DCLK1: variants seen among roughly 807,000 people sequenced by gnomAD.
DCLK1 encodes the protein serine/threonine-protein kinase DCLK1.
Under a neutral mutation model 86.2 loss-of-function variants are expected in DCLK1, and 16 were observed. The ratio of observed to expected loss-of-function variants is 0.19; its 90% CI spans 0.13 to 0.28. The LOEUF is 0.28. Among genes scored for constraint, DCLK1 ranks in the 10% least tolerant of loss-of-function variants. The probability of loss-of-function intolerance (pLI) is 1.00; values close to 1 mark genes in which losing one functional copy is unlikely to be tolerated. For missense variants in DCLK1, 590 were observed against 940.2 expected (o/e 0.63, Z 4.87); for synonymous variants, 369 against 370.5 (o/e 1.00, Z 0.05).
chr13:36,084,543 AG>A (rs1446621682), intron 3 of DCLK1, among the ~76,000 whole-genome samples: 2 of 152,204 alleles, frequency 1.3e-5, no homozygotes, highest in Non-Finnish European at 1.5e-5. Context: ...ATTATAAAGG[AG>A]GGGGACAAAA....
At chr13:35,849,066 G>GTGT (rs988095358) in intron 6 of DCLK1, 1 of 985,224 alleles carries the variant, frequency 1.0e-6, no homozygotes, top group African/African-American at 1.7e-5. Flanking sequence ...TGCCAGAGAA[G>GTGT]TGTCTTTCTC....
At chr13:35,793,951 CCA>C (rs1016578688) in intron 15 of DCLK1, among the ~76,000 whole-genome samples, 5 of 152,146 alleles carry the variant, frequency 3.3e-5, no homozygotes, top group African/African-American at 1.2e-4. Flanking sequence ...TCAGGCTGTT[CCA>C]CAGTTACTCA....
chr13:36,103,296 G>A (rs930522700), intron 3 of DCLK1, among the ~76,000 whole-genome samples: 6 of 151,780 alleles, frequency 4.0e-5, no homozygotes, highest in Non-Finnish European at 7.4e-5. Flanking sequence ...AGCTACTTGG[G>A]AGGCTGAGAC....
chr13:35,870,360 A>C (rs548492427), intron 5 of DCLK1, among the ~76,000 whole-genome samples: 4 of 152,246 alleles, frequency 2.6e-5, no homozygotes, highest in Admixed American at 2.6e-4. Flanking sequence ...CACCCTATTG[A>C]GAGTTCCTTC....
chr13:36,121,386 A>T (rs1364246837), intron 2 of DCLK1, among the ~76,000 whole-genome samples: 1 of 152,146 alleles, frequency 6.6e-6, no homozygotes, highest in Non-Finnish European at 1.5e-5. Flanking sequence ...AGAAAGAGAC[A>T]ATTCAGGAGT....
intron 15 of DCLK1, among the ~76,000 whole-genome samples, chr13:35,802,120 G>T (rs1048309954): frequency 3.9e-5 from 6 of 152,034 alleles, no homozygotes; most frequent in African/African-American, 1.4e-4. Context: ...GGCAGGGCTG[G>T]CACACAGTGT....
intron 5 of DCLK1, among the ~76,000 whole-genome samples, chr13:35,867,341 G>C (rs2153113731): frequency 6.6e-6 from 1 of 152,290 alleles, no homozygotes; most frequent in African/African-American, 2.4e-5. Flanking sequence ...CTTTGACCTA[G>C]AAGTTAAAGT....
At chr13:36,000,562 A>G (rs1880667468) in intron 3 of DCLK1, among the ~76,000 whole-genome samples, 1 of 152,088 alleles carries the variant, frequency 6.6e-6, no homozygotes, top group Non-Finnish European at 1.5e-5. Context: ...AGTATTATAT[A>G]CCATTTACAT....
chr13:36,097,185 T>C (rs907231359), intron 3 of DCLK1, among the ~76,000 whole-genome samples: 2 of 152,196 alleles, frequency 1.3e-5, no homozygotes, highest in Non-Finnish European at 2.9e-5. Flanking sequence ...AAAGCTGATG[T>C]GACTAATAAG....
intron 1 of DCLK1, among the ~76,000 whole-genome samples, chr13:36,127,764 AC>A (rs200628887): frequency 0.016 from 2,461 of 151,980 alleles, 22 homozygotes; most frequent in Non-Finnish European, 0.026. Flanking sequence ...GTACATCTGT[AC>A]CCCCTGGTCC....
At chr13:35,908,888 G>A (rs1177289908) in intron 4 of DCLK1, among the ~76,000 whole-genome samples, 3 of 152,116 alleles carry the variant, frequency 2.0e-5, no homozygotes, top group Non-Finnish European at 4.4e-5. Flanking sequence ...CACCCACCTC[G>A]GTCTCCCAAA....
At position 36,035,256 on chromosome 13, in the gene DCLK1, T is replaced by C. The variant is rs562889789; in HGVS notation, c.723+76613A>G. On this transcript the variant is annotated intron_variant, in intron 3 of 16. Coordinates refer to ENST00000360631, the MANE Select transcript of DCLK1 (RefSeq NM_001330071.2). ...GGCTCATTCACTCCTTTTCTTTCTA[T>C]AGCATCTGTTTCATAATGTTTTGCA... Among the ~76,000 whole-genome samples the C allele has an allele frequency of 1.6e-4, 25 of 152,288 alleles. No homozygotes were observed. The South Asian group carries it at 4.6e-3, about 28-fold the overall frequency.
chr13:35,941,271 C>T (rs943615138), intron 4 of DCLK1, among the ~76,000 whole-genome samples: 2 of 152,068 alleles, frequency 1.3e-5, no homozygotes, highest in African/African-American at 4.8e-5. Flanking sequence ...TTCTTATCAC[C>T]CAGAATTAGG....
chr13:35,856,668 G>A (rs1871078497), intron 5 of DCLK1, among the ~76,000 whole-genome samples: 2 of 152,190 alleles, frequency 1.3e-5, no homozygotes, highest in Non-Finnish European at 2.9e-5. Context: ...AAGCCTGTAA[G>A]TATTTAGTAA....
chr13:35,911,633 A>G (rs2153124846), intron 4 of DCLK1, among the ~76,000 whole-genome samples: 1 of 152,288 alleles, frequency 6.6e-6, no homozygotes, highest in South Asian at 2.1e-4. Context: ...CACCCAGAAC[A>G]TTACAATTTC....
rs116266097 is a variant in DCLK1 at position 36,115,245 on chromosome 13, C to T, written c.377-3030G>A. 9.2e-3 allele frequency among the ~76,000 whole-genome samples: 1,408 copies of T among 152,230 alleles called. 17 individuals are homozygous for T. Among genetic ancestry groups the T allele is most frequent in the African/African-American group, 0.032 (1,335 of 41,512 alleles). On this transcript the variant is annotated intron_variant, in intron 2 of 16. Coordinates refer to ENST00000360631, the MANE Select transcript of DCLK1 (RefSeq NM_001330071.2). ...TTACAATTACTGTAGTATACTTCCT[C>T]TTACATACACTAAGCCACCCCACAC...
In DCLK1 at chr13:35,854,547, C is replaced by G; in HGVS notation, c.987G>C (p.Lys329Asn). 6.2e-7 allele frequency: 1 copy of G among 1,606,698 alleles called. No homozygotes were observed. Among genetic ancestry groups the G allele is most frequent in the Non-Finnish European group, 8.5e-7 (1 of 1,175,962 alleles). Reference protein sequence around the residue: ...GSQLSTPRSGKSPSPSPTSPG... With the variant: ...GSQLSTPRSGNSPSPSPTSPG... ...GGCTGGTGGGTGATGGGCTTGGCGA[C>G]TTGCCTGAGCGCGGAGTAGAGAGCT... Residue 329 changes from lysine to asparagine, a missense_variant, in exon 6 of 17, where the codon AAG becomes AAC. Lys to Asn is a moderately conservative substitution (Grantham distance 94). Transcript: ENST00000360631.
rs574749186 is a variant in DCLK1, at chr13:35,818,510, C to T, written c.1554+4219G>A. The stretch of plus-strand genomic sequence containing the variant: ...CTAGCCAAGGAGAGGCAGTTTTTCT[C>T]CTGCAGGGTCTTGGGGACTTTGGGA... On this transcript the variant is annotated intron_variant, in intron 11 of 16. Coordinates refer to ENST00000360631, the MANE Select transcript of DCLK1 (RefSeq NM_001330071.2). 1.0e-3 allele frequency among the ~76,000 whole-genome samples: 159 copies of T among 152,224 alleles called. 1 individual carries two copies. Among genetic ancestry groups the T allele is most frequent in the African/African-American group, 3.6e-3 (151 of 41,524 alleles).
chr13:36,029,283 T>A (rs75729152), intron 3 of DCLK1, among the ~76,000 whole-genome samples: 3 of 152,170 alleles, frequency 2.0e-5, no homozygotes, highest in Admixed American at 1.3e-4. Context: ...CGGCACCATA[T>A]ACATTTGCTT....
Sources: allele counts gnomAD v4.1 joint callset (sites outside exome capture counted in the v4.1 genomes callset), GRCh38; gene constraint gnomAD v4.1.1; transcripts MANE v1.5; gene names NCBI Gene and HGNC (gene_info 2026-07-23, HGNC 2026-07-21).